HNF4G: variants seen among roughly 807,000 people sequenced by gnomAD.
HNF4G encodes hepatocyte nuclear factor 4-gamma.
Under a neutral mutation model 50.9 loss-of-function variants are expected in HNF4G, and 21 were observed. That is an observed-to-expected ratio of 0.41 (90% confidence interval 0.29 to 0.59). HNF4G has a LOEUF of 0.59. Ranked by LOEUF, HNF4G falls within the 20% of genes least tolerant of loss-of-function variation. The pLI, the probability that HNF4G is intolerant of heterozygous loss-of-function variation, is 0.26. For synonymous variants in HNF4G, 198 were observed against 185.6 expected, an observed-to-expected ratio of 1.07 and a Z score of -0.54; for missense variants, 527 against 559.4, an observed-to-expected ratio of 0.94 and a Z score of 0.58.
chr8:75,545,239 A>ATGTGTGTGTGTGTGTGTGTGTGTG (rs57486410), intron 2 of HNF4G, among the ~76,000 whole-genome samples: 1 of 145,486 alleles, frequency 6.9e-6, no homozygotes, highest in African/African-American at 2.5e-5. Context: ...TTAAAATTGA[A>ATGTGTGTGTGTGTGTGTGTGTGTG]TGTGTGTGTG....
At chr8:75,544,544 T>G (rs1280506412) in intron 2 of HNF4G, among the ~76,000 whole-genome samples, 1 of 152,146 alleles carries the variant, frequency 6.6e-6, no homozygotes, top group Non-Finnish European at 1.5e-5. Flanking sequence ...AAATTTAGAA[T>G]GTATTTCTCA....
chr8:75,505,067 T>C (rs1813041248), intron 2 of HNF4G, among the ~76,000 whole-genome samples: 1 of 152,174 alleles, frequency 6.6e-6, no homozygotes, highest in Non-Finnish European at 1.5e-5. Context: ...AGAAATTTTC[T>C]TTTCAGAGGG....
At chr8:75,520,463 G>C (rs1412120822) in intron 2 of HNF4G, among the ~76,000 whole-genome samples, 6 of 151,186 alleles carry the variant, frequency 4.0e-5, no homozygotes, top group Non-Finnish European at 8.8e-5. Flanking sequence ...TTTGAGACAG[G>C]GTCTTACTCT....
At chr8:75,526,801 CTGT>C (rs1806194617) in intron 2 of HNF4G, among the ~76,000 whole-genome samples, 6 of 147,964 alleles carry the variant, frequency 4.1e-5, no homozygotes, top group African/African-American at 1.5e-4. Context: ...GAGTCTCGTT[CTGT>C]CGCCCGGGCT....
intron 2 of HNF4G, among the ~76,000 whole-genome samples, chr8:75,496,809 T>A (rs1036762685): frequency 2.0e-5 from 3 of 151,632 alleles, no homozygotes; most frequent in Non-Finnish European, 4.4e-5. Flanking sequence ...TATTACTATA[T>A]ATATATATAT....
chr8:75,522,255 G>A (rs1806064891), intron 2 of HNF4G, among the ~76,000 whole-genome samples: 1 of 152,140 alleles, frequency 6.6e-6, no homozygotes, highest in Admixed American at 6.6e-5. Flanking sequence ...TGTGGAGATA[G>A]TGGGATTATG....
intron 6 of HNF4G, 74 bp from the exon 7 acceptor site, chr8:75,558,444 T>C: frequency 1.4e-6 from 2 of 1,411,358 alleles, no homozygotes; most frequent in Non-Finnish European, 9.7e-7. Context: ...GTTTGTTAAA[T>C]TTTAAACAGT....
chr8:75,507,480 C>T (rs1243702930), intron 2 of HNF4G, among the ~76,000 whole-genome samples: 9 of 152,078 alleles, frequency 5.9e-5, no homozygotes, highest in Admixed American at 2.6e-4. Flanking sequence ...AGGCTGGTCT[C>T]GAACTCTTGA....
intron 2 of HNF4G, among the ~76,000 whole-genome samples, chr8:75,498,255 C>T (rs1187223701): frequency 6.6e-6 from 1 of 151,942 alleles, no homozygotes; most frequent in Admixed American, 6.6e-5. Context: ...AACAAAAAAG[C>T]AATGAAAGTC....
intron 1 of HNF4G, among the ~76,000 whole-genome samples, chr8:75,420,977 A>G (rs139781639): frequency 1.3e-5 from 2 of 152,236 alleles, no homozygotes; most frequent in Non-Finnish European, 2.9e-5. Context: ...AGTACTGGAC[A>G]ATGAAAGTAT....
intron 2 of HNF4G, among the ~76,000 whole-genome samples, chr8:75,500,013 G>T (rs554943126): frequency 3.7e-4 from 56 of 152,062 alleles, no homozygotes; most frequent in African/African-American, 1.3e-3. Context: ...AACTACAAAA[G>T]AAAAAATAAA....
At chr8:75,509,803 A>T (rs1015765055) in intron 2 of HNF4G, among the ~76,000 whole-genome samples, 4 of 152,212 alleles carry the variant, frequency 2.6e-5, no homozygotes, top group African/African-American at 9.6e-5. Flanking sequence ...GGTGTAAACA[A>T]ACCTACTGCA....
chr8:75,492,403 T>C (rs2130685096), intron 2 of HNF4G, among the ~76,000 whole-genome samples: 1 of 152,180 alleles, frequency 6.6e-6, no homozygotes, highest in South Asian at 2.1e-4. Flanking sequence ...TAATGAAAGA[T>C]TAAAGGAGAA....
At chr8:75,562,989 T>C (rs542296091) in intron 9 of HNF4G, among the ~76,000 whole-genome samples, 30 of 152,262 alleles carry the variant, frequency 2.0e-4, no homozygotes, top group African/African-American at 7.2e-4. Context: ...TTCTAAGTAA[T>C]TGCTAATCCA....
chr8:75,441,234 C>G (rs1811274488), intron 1 of HNF4G, among the ~76,000 whole-genome samples: 1 of 151,134 alleles, frequency 6.6e-6, no homozygotes, highest in African/African-American at 2.4e-5. Context: ...TTCTTTAAAG[C>G]CAAGATTAGA....
At position 75,520,930 on chromosome 8, in the gene HNF4G, T is replaced by G. The variant is rs188788505; in HGVS notation, c.-23-22881T>G. On this transcript the variant is annotated intron_variant, in intron 2 of 10. Coordinates refer to the HNF4G transcript ENST00000354370. ...TTTAATAAACAGATTATAAATATTTTTAATATTTTGATAGTATCTTTAATT... is the reference window on the plus strand; with the variant it reads ...TTTAATAAACAGATTATAAATATTTGTAATATTTTGATAGTATCTTTAATT... Among the ~76,000 whole-genome samples the G allele has an allele frequency of 3.3e-3, 498 of 152,184 alleles. 3 individuals are homozygous for G. The highest frequency in any genetic ancestry group is 0.012 in the African/African-American group (482 of 41,574).
At chr8:75,415,413 AAT>A (rs1467708710) in intron 1 of HNF4G, among the ~76,000 whole-genome samples, 24 of 152,308 alleles carry the variant, frequency 1.6e-4, no homozygotes, top group African/African-American at 5.8e-4. Flanking sequence ...CAAAAAAAGA[AAT>A]AAAAAATTGG....
chr8:75,430,397 T>G (rs996169026), intron 1 of HNF4G, among the ~76,000 whole-genome samples: 1 of 151,846 alleles, frequency 6.6e-6, no homozygotes, highest in African/African-American at 2.4e-5. Flanking sequence ...TACAAATACC[T>G]CTGCATGAAT....
chr8:75,530,203 T>C (rs1806292378), intron 2 of HNF4G, among the ~76,000 whole-genome samples: 2 of 152,180 alleles, frequency 1.3e-5, no homozygotes, highest in Admixed American at 6.5e-5. Flanking sequence ...AGCTGTGATA[T>C]TAAGCTGAGT....
Sources: gnomAD v4.1 joint callset for allele counts (sites outside exome capture counted in the v4.1 genomes callset) on GRCh38, gnomAD v4.1.1 for gene constraint, MANE v1.5 for transcripts, NCBI Gene and HGNC (gene_info 2026-07-23, HGNC 2026-07-21) for gene names.